PCK2: variants seen among roughly 807,000 people sequenced by gnomAD.
PCK2 encodes phosphoenolpyruvate carboxykinase 2, mitochondrial.
In PCK2, 56 loss-of-function variants were observed where a neutral mutation model predicts 65.9. The ratio of observed to expected loss-of-function variants is 0.85; its 90% CI spans 0.69 to 1.06. The LOEUF (loss-of-function observed/expected upper bound fraction) is 1.06, where lower values mean the gene tolerates loss of function less well. PCK2 is among the 50% of genes least tolerant of loss of function. The pLI is 0.00. For synonymous variants in PCK2, 305 were observed against 319.6 expected, an observed-to-expected ratio of 0.95 and a Z score of 0.49; for missense variants, 843 against 863.1, an observed-to-expected ratio of 0.98 and a Z score of 0.29.
chr14:24,094,195 CG>C (rs1183933226), upstream of PCK2: 2 of 565,112 alleles, frequency 3.5e-6, no homozygotes, highest in East Asian at 6.8e-5. The surrounding 1 kb of genome is among the most constrained non-coding windows in gnomAD (Gnocchi z 4.1). Flanking sequence ...CCTGGAGCCC[CG>C]GGGCCGAGGG....
At position 24,098,653 on chromosome 14, in the gene PCK2, C is replaced by G; in HGVS notation, c.639C>G (p.Ser213=). ...GTGACTTTGTCAAGTGTCTGCACTC[C>G]GTGGGCCAGCCCCTGACAGGACAAG... ...GDGDFVKCLH[S]VGQPLTGQGE... The change falls in exon 4 of 10, where the codon TCC becomes TCG. Residue 213 remains serine (S), a synonymous_variant. Coordinates refer to ENST00000216780, the MANE Select transcript of PCK2 (RefSeq NM_004563.4). 3 of 1,613,890 alleles carry G rather than the reference C, an allele frequency of 1.9e-6. No homozygotes were observed. Among genetic ancestry groups the G allele is most frequent in the Non-Finnish European group, 2.5e-6 (3 of 1,180,008 alleles).
At chr14:24,095,329 G>A in intron 1 of PCK2, 1 of 428,280 alleles carries the variant, frequency 2.3e-6, no homozygotes, top group Admixed American at 2.5e-5. Context: ...CTGTGTGCTT[G>A]AAAACTGATG....
chr14:24,095,564 C>A (rs998044003), intron 1 of PCK2, among the ~76,000 whole-genome samples: 1 of 152,200 alleles, frequency 6.6e-6, no homozygotes, highest in East Asian at 1.9e-4. Flanking sequence ...TCCACCCTCC[C>A]ACCAACACCA....
At chr14:24,101,851 G>A (rs148642074) in intron 7 of PCK2, among the ~76,000 whole-genome samples, 11 of 152,076 alleles carry the variant, frequency 7.2e-5, no homozygotes, top group South Asian at 2.1e-4. Context: ...GGAGGCAGAG[G>A]TTGCAGTGAG....
At position 24,103,706 on chromosome 14, in the gene PCK2, A is replaced by G. The variant is rs1030867906; in HGVS notation, c.1665A>G (p.Leu555=). ...WPGFGENARV[L]DWICRRLEGE... ...GCTTTGGGGAGAATGCTCGGGTGCTAGACTGGATCTGCCGGCGGTTAGAGG... is the reference window on the plus strand; with the variant it reads ...GCTTTGGGGAGAATGCTCGGGTGCTGGACTGGATCTGCCGGCGGTTAGAGG... Residue 555 remains leucine (L), a synonymous_variant, in exon 10 of 10, where the codon CTA becomes CTG. Transcript: ENST00000216780. The G allele has an allele frequency of 6.2e-7, 1 of 1,614,140 alleles. No individual in the cohort carries two copies. The highest frequency in any genetic ancestry group is 8.5e-7 in the Non-Finnish European group (1 of 1,180,008).
chr14:24,096,790 C>T (rs1259719478), intron 1 of PCK2, 102 bp from the exon 2 acceptor site: 3 of 983,716 alleles, frequency 3.0e-6, no homozygotes, highest in Admixed American at 3.7e-5. Context: ...TGCATGCAGA[C>T]ATGTTTTAGC....
Position 24,103,737 on chromosome 14 carries a change from G to C in PCK2, c.1696G>C (p.Asp566His). 6.2e-7 allele frequency: 1 copy of C among 1,614,166 alleles called. No homozygotes were observed. Among genetic ancestry groups the C allele is most frequent in the Non-Finnish European group, 8.5e-7 (1 of 1,180,002 alleles). The change falls in exon 10 of 10, where the codon GAC becomes CAC. Residue 566 changes from aspartate to histidine, a missense_variant. Coordinates refer to ENST00000216780, the MANE Select transcript of PCK2 (RefSeq NM_004563.4). ...DWICRRLEGE[D>H]SARETPIGLV... is the part of the protein sequence containing the mutation. ...GATCTGCCGGCGGTTAGAGGGGGAG[G>C]ACAGTGCCCGAGAGACACCCATTGG...
At position 24,099,144 on chromosome 14, in the gene PCK2, G is replaced by T; in HGVS notation, c.760G>T (p.Gly254Cys). 6.2e-7 allele frequency: 1 copy of T among 1,611,886 alleles called. No individual in the cohort carries two copies. Residue 254 changes from glycine to cysteine, a missense_variant, in exon 5 of 10, where the codon GGT (glycine) becomes TGT (cysteine). Physicochemically the swap from Gly to Cys is radical, Grantham distance 159. Transcript: ENST00000216780. ...REIISFGSGY[G>C]GNSLLGKKCF... ...GATCATCTCCTTCGGCAGCGGCTATGGTGGCAACTCCCTGCTGGGCAAGAA... is the reference window on the plus strand; with the variant it reads ...GATCATCTCCTTCGGCAGCGGCTATTGTGGCAACTCCCTGCTGGGCAAGAA...
At position 24,102,800 on chromosome 14, in the gene PCK2, G is replaced by A; in HGVS notation, c.1282G>A (p.Ala428Thr). The A allele has an allele frequency of 6.2e-7, 1 of 1,613,836 alleles. No individual in the cohort carries two copies. Among genetic ancestry groups the A allele is most frequent in the Non-Finnish European group, 8.5e-7 (1 of 1,179,726 alleles). Residue 428 changes from alanine (A) to threonine (T), a missense_variant, in exon 8 of 10, where the codon GCT becomes ACT. Physicochemically the swap from Ala to Thr is moderately conservative, Grantham distance 58. Transcript: ENST00000216780. ...AHPNSRFCAP[A>T]RQCPIMDPAW... is the part of the protein sequence containing the mutation. ...TCCCAACTCTCGATTTTGTGCCCCG[G>A]CTCGCCAGTGCCCCATCATGGACCC...
chr14:24,100,642 C>A, intron 7 of PCK2: 1 of 966,828 alleles, frequency 1.0e-6, no homozygotes, highest in Non-Finnish European at 1.2e-6. Flanking sequence ...GCTCCAAGCA[C>A]TATCCATAAA....
Position 24,102,906 on chromosome 14 carries a change from G to C in PCK2, c.1372+16G>C, listed in dbSNP as rs753451077. 34 of 1,609,728 alleles carry C rather than the reference G, an allele frequency of 2.1e-5. No homozygotes were observed. In the Admixed American group the frequency reaches 5.6e-4, roughly 26 times the overall value. On this transcript the variant is annotated intron_variant, in intron 8 of 9. Transcript: ENST00000216780. ...AGACCCAAAGGTAAACAACATATGAGCTCCATGTTCTTGGCAAAAGGGCTA... is the reference window on the plus strand; with the variant it reads ...AGACCCAAAGGTAAACAACATATGACCTCCATGTTCTTGGCAAAAGGGCTA...
chr14:24,099,711 G>C lies in PCK2; in HGVS notation c.1006G>C (p.Asp336His), dbSNP rs2037077405. ...VGDDIAWMRF[D>H]SEGRLRAINP... ...GGATGATATTGCTTGGATGAGGTTT[G>C]ACAGTGAAGGTGAGGGACTCTCAGA... The change falls in exon 6 of 10, where the codon GAC becomes CAC. Residue 336 changes from aspartate to histidine, a missense_variant. Asp to His is a moderately conservative substitution (Grantham distance 81). Transcript: ENST00000216780. 6.2e-7 allele frequency: 1 copy of C among 1,613,942 alleles called. No homozygotes were observed. The highest frequency in any genetic ancestry group is 1.3e-5 in the African/African-American group (1 of 75,048).
In PCK2 at chr14:24,099,542, T is replaced by C; in HGVS notation, c.853-16T>C. On this transcript the variant is annotated splice_polypyrimidine_tract_variant and intron_variant, in intron 5 of 9. Transcript: ENST00000216780. ...TTGGTGACCTCTTTCTTATTCCCTC[T>C]CTCCCCAATGCACAGATCCTGGGCA... is the stretch of plus-strand genomic sequence containing the variant. 6.4e-7 allele frequency: 1 copy of C among 1,560,390 alleles called. No individual in the cohort carries two copies. The highest frequency in any genetic ancestry group is 8.7e-7 in the Non-Finnish European group (1 of 1,154,688).
At chr14:24,098,180 C>T (rs757911901) in intron 2 of PCK2, 23 bp from the exon 3 acceptor site, 4 of 1,572,266 alleles carry the variant, frequency 2.5e-6, no homozygotes, top group Non-Finnish European at 2.6e-6. Context: ...CCACCATCTT[C>T]CTGACAATCC....
In PCK2 at chr14:24,099,606, G is replaced by A. The variant is rs749947045; in HGVS notation, c.901G>A (p.Ala301Thr). 1.2e-5 allele frequency: 20 copies of A among 1,612,920 alleles called. No homozygotes were observed. Among genetic ancestry groups the A allele is most frequent in the East Asian group, 4.5e-5 (2 of 44,900 alleles). The change falls in exon 6 of 10, where the codon GCC (alanine) becomes ACC (threonine). Residue 301 changes from alanine to threonine, a missense_variant. Transcript: ENST00000216780. ...AGGGAAGAAGCGCTATGTGGCAGCC[G>A]CCTTCCCTAGTGCCTGTGGCAAGAC... ...PAGKKRYVAA[A>T]FPSACGKTNL...
At chr14:24,098,999 C>A in intron 4 of PCK2, 50 bp from the exon 5 acceptor site, 1 of 1,449,282 alleles carries the variant, frequency 6.9e-7, no homozygotes, top group South Asian at 1.2e-5. Flanking sequence ...GCCCCGACAC[C>A]CCAGTTCCTG....
In PCK2 at chr14:24,094,824, C is replaced by G; in HGVS notation, c.29+390C>G. 1 of 1,326,772 alleles carries G rather than the reference C, an allele frequency of 7.5e-7. No homozygotes were observed. The highest frequency in any genetic ancestry group is 9.9e-7 in the Non-Finnish European group (1 of 1,013,510). 82.2% of individuals were successfully genotyped at this position (1,326,772 alleles called of 1,614,324 possible). On this transcript the variant is annotated intron_variant, in intron 1 of 9. Transcript: ENST00000216780. The surrounding 1 kb of genome is among the most constrained non-coding windows in gnomAD (Gnocchi z 4.1). ...CAGCGCCCCAGGGTACTTCGAGAGG[C>G]AGCAGGGCCCTGGGGACAAGGGTAC...
Position 24,104,095 on chromosome 14 carries a change from G to T in PCK2, c.*131G>T, listed in dbSNP as rs1358014558. 6 of 646,852 alleles carry T rather than the reference G, an allele frequency of 9.3e-6. No individual in the cohort carries two copies. Among genetic ancestry groups the T allele is most frequent in the Non-Finnish European group, 1.4e-5 (5 of 363,832 alleles). The allele number at this position is 646,852 out of a possible 1,614,324, so 40.1% of individuals were successfully genotyped here. ...TGCCATAGACCTTCCCACAAAGACT[G>T]TCCAATAATAAGAGATGCTTATCTA... On this transcript the variant is annotated 3_prime_UTR_variant, in exon 10 of 10. Coordinates refer to ENST00000216780, the MANE Select transcript of PCK2 (RefSeq NM_004563.4).
At chr14:24,103,305 C>T (rs370135359) in intron 9 of PCK2, 50 bp downstream of exon 9, 634 of 1,439,568 alleles carry the variant, frequency 4.4e-4, no homozygotes, top group Non-Finnish European at 5.7e-4. Flanking sequence ...CACAGCACGT[C>T]CTCTCTCCCT....
Sources: gnomAD v4.1 joint callset for allele counts (sites outside exome capture counted in the v4.1 genomes callset) on GRCh38, gnomAD v4.1.1 for gene constraint, Gnocchi (gnomAD v3.1) non-coding constraint, MANE v1.5 for transcripts, NCBI Gene and HGNC (gene_info 2026-07-23, HGNC 2026-07-21) for gene names.